The following SATB2 variants were observed in gnomAD, a reference collection of about 807,000 sequenced individuals.
The protein encoded by SATB2 is SATB homeobox 2.
In SATB2, 1 loss-of-function variant was observed where a neutral mutation model predicts 73.4. That is an observed-to-expected ratio of 0.01 (90% CI 0.00 to 0.06). SATB2 has a LOEUF of 0.06. Ranked by LOEUF, SATB2 falls within the 10% of genes least tolerant of loss-of-function variation. The pLI is 1.00. For missense variants in SATB2, 459 were observed against 945.8 expected, an observed-to-expected ratio of 0.49 and a Z score of 6.75; for synonymous variants, 397 against 367.0, an observed-to-expected ratio of 1.08 and a Z score of -0.93.
At chr2:199,297,656 C>T (rs1687148431) in intron 10 of SATB2, among the ~76,000 whole-genome samples, 1 of 152,132 alleles carries the variant, frequency 6.6e-6, no homozygotes, top group African/African-American at 2.4e-5. Context: ...GGGGAGATGC[C>T]TATTTAATAC....
intron 10 of SATB2, among the ~76,000 whole-genome samples, chr2:199,300,138 T>C (rs956255868): frequency 1.3e-5 from 2 of 151,744 alleles, no homozygotes; most frequent in African/African-American, 4.8e-5. Context: ...GAGTGTTTCA[T>C]ATTTTATTTT....
At position 199,442,529 on chromosome 2, in the gene SATB2, C is replaced by T. The variant is rs78922639; in HGVS notation, c.170-9015G>A. On this transcript the variant is annotated intron_variant, in intron 2 of 10. Transcript: ENST00000417098. ...GTATCTTTTCTAAATTTAGTAACTA[C>T]AGAAAGACAAAATGTTTAATGATCC... Among the ~76,000 whole-genome samples, 941 of 152,208 alleles carry T rather than the reference C, an allele frequency of 6.2e-3. 10 individuals carry two copies. The highest frequency in any genetic ancestry group is 0.021 in the African/African-American group (879 of 41,526).
intron 7 of SATB2, chr2:199,347,610 G>T: frequency 6.6e-6 from 1 of 152,134 alleles, no homozygotes. Context: ...GCATTTACGA[G>T]GGTGCTGAAA....
At chr2:199,342,566 G>C (rs748953003) in intron 7 of SATB2, among the ~76,000 whole-genome samples, 36 of 152,126 alleles carry the variant, frequency 2.4e-4, no homozygotes, top group Non-Finnish European at 1.5e-5. Flanking sequence ...TCAGGCTCAT[G>C]CTGGAGATCC....
At chr2:199,443,686 G>A (rs992300488) in intron 2 of SATB2, among the ~76,000 whole-genome samples, 4 of 152,120 alleles carry the variant, frequency 2.6e-5, no homozygotes, top group East Asian at 1.9e-4. Context: ...ACAAAGCCGA[G>A]CTTAAGCAGA....
At chr2:199,369,664 C>CA (rs1559009038) in intron 5 of SATB2, among the ~76,000 whole-genome samples, 1 of 152,002 alleles carries the variant, frequency 6.6e-6, no homozygotes, top group African/African-American at 2.4e-5. Flanking sequence ...TCATCTTTCT[C>CA]AAAAAAAGTT....
intron 3 of SATB2, among the ~76,000 whole-genome samples, chr2:199,415,784 C>T (rs939296120): frequency 1.3e-5 from 2 of 152,292 alleles, no homozygotes. Context: ...ATCTGGGGCA[C>T]CTGCACTGTG....
chr2:199,346,211 G>A (rs138585384), intron 7 of SATB2, among the ~76,000 whole-genome samples: 1,739 of 150,744 alleles, frequency 0.012, 36 homozygotes, highest in African/African-American at 0.04. Context: ...GTGCAGTGGC[G>A]CAATCTCGGC....
intron 3 of SATB2, among the ~76,000 whole-genome samples, chr2:199,432,606 GAAC>G (rs1214231626): frequency 1.3e-5 from 2 of 151,794 alleles, no homozygotes; most frequent in African/African-American, 4.8e-5. Context: ...TGAAAAACAA[GAAC>G]AATAAATTCC....
At chr2:199,324,054 C>A in intron 8 of SATB2, 96 bp from the exon 9 acceptor site, 1 of 1,246,514 alleles carries the variant, frequency 8.0e-7, no homozygotes, top group Non-Finnish European at 1.2e-6. Context: ...CAGCTGATGC[C>A]AAACTGCATT....
chr2:199,370,252 T>TG (rs954005073), intron 5 of SATB2, among the ~76,000 whole-genome samples: 2 of 152,096 alleles, frequency 1.3e-5, no homozygotes, highest in African/African-American at 4.8e-5. Flanking sequence ...GTTTCATTTT[T>TG]TTTTTTTTCT....
intron 2 of SATB2, among the ~76,000 whole-genome samples, chr2:199,442,030 C>T (rs995160140): frequency 6.6e-6 from 1 of 152,014 alleles, no homozygotes; most frequent in African/African-American, 2.4e-5. Flanking sequence ...AGAGGAGAGG[C>T]CCACCGTTTT....
At chr2:199,466,267 A>G (rs181467889), upstream of SATB2, among the ~76,000 whole-genome samples, 66 of 152,280 alleles carry the variant, frequency 4.3e-4, no homozygotes, top group African/African-American at 1.2e-3. Context: ...ACCCTACTCA[A>G]GATCATCCCC....
rs1413511739 is a variant in SATB2, at chr2:199,464,752, A to G, written c.-141+84T>C. The G allele has an allele frequency of 6.6e-6, 1 of 152,210 alleles. No homozygotes were observed. Among genetic ancestry groups the G allele is most frequent in the Non-Finnish European group, 1.5e-5 (1 of 68,060 alleles). The allele number at this position is 152,210 out of a possible 1,614,324, so 9.4% of individuals were successfully genotyped here. On this transcript the variant is annotated intron_variant, in intron 1 of 11. Coordinates refer to the SATB2 transcript ENST00000260926. This position sits in a 1 kb window ranked among gnomAD's most constrained non-coding sequence, Gnocchi z 6.6. ...TTGGCTGGGACCTGTTCCTTTCCAA[A>G]GTGTGATGCCCGGTGTCCTACCCTA...
chr2:199,359,504 T>C (rs1468533791), intron 6 of SATB2, among the ~76,000 whole-genome samples: 1 of 152,170 alleles, frequency 6.6e-6, no homozygotes, highest in Non-Finnish European at 1.5e-5. Context: ...CTTTCTTTTT[T>C]TTCTCTCAAT....
At chr2:199,378,526 C>T (rs1689669712) in intron 5 of SATB2, among the ~76,000 whole-genome samples, 1 of 152,154 alleles carries the variant, frequency 6.6e-6, no homozygotes. Flanking sequence ...AAATGGCCTC[C>T]ATGAAAAGTC....
chr2:199,355,106 CTG>C (rs1688931319), intron 6 of SATB2, among the ~76,000 whole-genome samples: 1 of 151,392 alleles, frequency 6.6e-6, no homozygotes, highest in African/African-American at 2.4e-5. Flanking sequence ...ACATAAATCC[CTG>C]ATATATATTT....
intron 3 of SATB2, chr2:199,396,284 T>C (rs1690298161): frequency 6.6e-6 from 1 of 152,230 alleles, no homozygotes; most frequent in Admixed American, 6.5e-5. Flanking sequence ...AGATGCTTGA[T>C]AGTTCCATAT....
chr2:199,284,785 GA>G (rs983089618), intron 10 of SATB2, among the ~76,000 whole-genome samples: 14 of 144,952 alleles, frequency 9.7e-5, no homozygotes, highest in African/African-American at 2.3e-4. Flanking sequence ...AAAATATTTA[GA>G]AAAAAAAAAG....
Sources: gnomAD v4.1 joint callset for allele counts (sites outside exome capture counted in the v4.1 genomes callset) on GRCh38, gnomAD v4.1.1 for gene constraint, Gnocchi (gnomAD v3.1) non-coding constraint, MANE v1.5 for transcripts, NCBI Gene and HGNC (gene_info 2026-07-23, HGNC 2026-07-21) for gene names.